The following IMMP2L variants were observed in gnomAD, a reference collection of about 807,000 sequenced individuals.
IMMP2L encodes the protein mitochondrial inner membrane protease subunit 2.
Under a neutral mutation model 19.3 loss-of-function variants are expected in IMMP2L, and 18 were observed. That is an observed-to-expected ratio of 0.93 (90% confidence interval 0.64 to 1.38). IMMP2L has a LOEUF of 1.38. Ranked by LOEUF, IMMP2L falls within the 40% of genes most tolerant of loss-of-function variation. The pLI is 0.00. For missense variants in IMMP2L, 233 were observed against 218.2 expected (o/e 1.07, Z -0.43); for synonymous variants, 76 against 73.0 (o/e 1.04, Z -0.21).
At chr7:111,085,309 T>C (rs2129576951) in intron 3 of IMMP2L, among the ~76,000 whole-genome samples, 1 of 152,332 alleles carries the variant, frequency 6.6e-6, no homozygotes, top group Admixed American at 6.5e-5. Context: ...TGCCTTTAGG[T>C]CTTTGTGGAA....
chr7:110,788,827 C>T (rs898751954), intron 5 of IMMP2L, among the ~76,000 whole-genome samples: 3 of 151,746 alleles, frequency 2.0e-5, no homozygotes, highest in South Asian at 2.1e-4. Context: ...ACATGTCTCC[C>T]ATCAAATGGT....
chr7:111,453,542 T>C (rs894657902), intron 3 of IMMP2L, among the ~76,000 whole-genome samples: 2 of 152,192 alleles, frequency 1.3e-5, no homozygotes, highest in African/African-American at 2.4e-5. Flanking sequence ...CATTGGAGCA[T>C]TGTTTGATAT....
rs542454814 is a variant in IMMP2L at position 111,203,207 on chromosome 7, G to A, written c.240-239642C>T. On this transcript the variant is annotated intron_variant, in intron 3 of 5. Transcript: ENST00000405709. ...GTCAGTCACCTTAATAGGCAAGACG[G>A]TTTTTTTTCTTTTACCATATTCATT... Among the ~76,000 whole-genome samples, 88 of 151,876 alleles carry A rather than the reference G, an allele frequency of 5.8e-4. 1 individual carries two copies. The highest frequency in any genetic ancestry group is 3.4e-3 in the Middle Eastern group (1 of 292).
At chr7:111,133,345 G>A (rs993569867) in intron 3 of IMMP2L, among the ~76,000 whole-genome samples, 4 of 152,010 alleles carry the variant, frequency 2.6e-5, no homozygotes, top group African/African-American at 7.2e-5. Context: ...TTACTGTAAC[G>A]TAGTCCAGAG....
chr7:111,417,376 T>C (rs2131571109), intron 3 of IMMP2L, among the ~76,000 whole-genome samples: 1 of 151,960 alleles, frequency 6.6e-6, no homozygotes, highest in Non-Finnish European at 1.5e-5. Context: ...ATATTCAGTT[T>C]GGGTGATACA....
At position 110,727,382 on chromosome 7, in the gene IMMP2L, C is replaced by T. The variant is rs1038198013; in HGVS notation, c.409-63661G>A. On this transcript the variant is annotated intron_variant, in intron 5 of 5. Coordinates refer to ENST00000405709, the MANE Select transcript of IMMP2L (RefSeq NM_032549.4). The surrounding 1 kb of genome is among the most constrained non-coding windows in gnomAD (Gnocchi z 4.3). ...CTCCAGCCTGGATGACAGAGTGAGA[C>T]TCTGTCTCTAAATAAATAAATAAAT... 2.1e-5 allele frequency among the ~76,000 whole-genome samples: 3 copies of T among 139,878 alleles called. No homozygotes were observed. The highest frequency in any genetic ancestry group is 8.3e-5 in the African/African-American group (3 of 36,352). 91.8% of individuals were successfully genotyped at this position (139,878 alleles called of 152,430 possible).
At chr7:110,669,759 A>T (rs576716431) in intron 5 of IMMP2L, among the ~76,000 whole-genome samples, 3 of 152,256 alleles carry the variant, frequency 2.0e-5, no homozygotes, top group Non-Finnish European at 4.4e-5. Flanking sequence ...AAATGCATGA[A>T]CTCTGGTTCT....
At chr7:110,703,117 T>C (rs187912216) in intron 5 of IMMP2L, among the ~76,000 whole-genome samples, 79 of 152,304 alleles carry the variant, frequency 5.2e-4, no homozygotes, top group Non-Finnish European at 6.9e-4. Flanking sequence ...TTCCCTTATA[T>C]GCCCAGTTTT....
At chr7:111,532,497 A>G (rs776209359) in intron 1 of IMMP2L, 7 of 152,164 alleles carry the variant, frequency 4.6e-5, no homozygotes, top group Non-Finnish European at 1.0e-4. Flanking sequence ...AGAATGCCAT[A>G]TCAACTCAAG....
chr7:111,192,758 A>T (rs1809032272), intron 3 of IMMP2L, among the ~76,000 whole-genome samples: 1 of 152,166 alleles, frequency 6.6e-6, no homozygotes, highest in African/African-American at 2.4e-5. Flanking sequence ...AGTGCAAAGT[A>T]CACAAAGAGA....
rs116779683 is a variant in IMMP2L at position 111,536,031 on chromosome 7, T to G, written c.-2-14582A>C. Reference sequence around the variant, plus strand: ...TGCTTAGAAAAAAGATGGAAGTACATCAAAAGGAGACGGGAGCTTGCCTGG... The same window carrying G: ...TGCTTAGAAAAAAGATGGAAGTACAGCAAAAGGAGACGGGAGCTTGCCTGG... On this transcript the variant is annotated intron_variant, in intron 1 of 5. Coordinates refer to ENST00000405709, the MANE Select transcript of IMMP2L (RefSeq NM_032549.4). Among the ~76,000 whole-genome samples, 443 of 152,076 alleles carry G rather than the reference T, an allele frequency of 2.9e-3. 3 individuals carry two copies. The highest frequency in any genetic ancestry group is 1.0e-2 in the African/African-American group (415 of 41,512).
chr7:110,856,584 A>T (rs1369015373), intron 5 of IMMP2L, among the ~76,000 whole-genome samples: 1 of 152,078 alleles, frequency 6.6e-6, no homozygotes. Flanking sequence ...TTATATAAGC[A>T]TCTTGAGCAG....
chr7:111,520,878 T>C (rs986232009), intron 2 of IMMP2L, among the ~76,000 whole-genome samples: 14 of 152,152 alleles, frequency 9.2e-5, no homozygotes, highest in Non-Finnish European at 1.9e-4. Flanking sequence ...ATACAATATC[T>C]GGGATCAATG....
At chr7:111,527,868 G>A (rs944052168) in intron 1 of IMMP2L, among the ~76,000 whole-genome samples, 2 of 151,374 alleles carry the variant, frequency 1.3e-5, no homozygotes, top group African/African-American at 4.8e-5. Flanking sequence ...GATATGTGCT[G>A]ATCCTGCTCC....
rs1171059968 is a variant in IMMP2L at position 110,827,050 on chromosome 7, A to G, written c.408+59543T>C. 3.9e-5 allele frequency among the ~76,000 whole-genome samples: 6 copies of G among 152,236 alleles called. No homozygotes were observed. The South Asian group carries it at 1.0e-3, about 26-fold the overall frequency. On this transcript the variant is annotated intron_variant, in intron 5 of 5. Coordinates refer to ENST00000405709, the MANE Select transcript of IMMP2L (RefSeq NM_032549.4). ...GTTGTCCCACCATTGCTTTTGTACC[A>G]TCAATGCCAGTATTGACAGAGTAAA...
chr7:110,730,565 G>A (rs1188171013), intron 5 of IMMP2L, among the ~76,000 whole-genome samples: 1 of 148,034 alleles, frequency 6.8e-6, no homozygotes, highest in Non-Finnish European at 1.5e-5. Context: ...GTCTCGCTCT[G>A]TTGCCCAGGC....
chr7:111,409,388 C>A lies in IMMP2L; in HGVS notation c.239+77850G>T, dbSNP rs145891423. 2.0e-5 allele frequency among the ~76,000 whole-genome samples: 3 copies of A among 151,748 alleles called. No homozygotes were observed. In the East Asian group the frequency reaches 5.8e-4, roughly 29 times the overall value. On this transcript the variant is annotated intron_variant, in intron 3 of 5. Coordinates refer to ENST00000405709, the MANE Select transcript of IMMP2L (RefSeq NM_032549.4). ...AAAGTCCCCATGGATAACATATAACCATGAGTAACTCTCATAATTCAACAT... is the reference window on the plus strand; with the variant it reads ...AAAGTCCCCATGGATAACATATAACAATGAGTAACTCTCATAATTCAACAT...
intron 3 of IMMP2L, among the ~76,000 whole-genome samples, chr7:111,210,159 T>C (rs2129618181): frequency 6.6e-6 from 1 of 152,328 alleles, no homozygotes; most frequent in South Asian, 2.1e-4. Flanking sequence ...CTTGACTCTC[T>C]GCTTCACCTT....
At chr7:110,902,579 G>A (rs928793276) in intron 4 of IMMP2L, among the ~76,000 whole-genome samples, 5 of 151,160 alleles carry the variant, frequency 3.3e-5, no homozygotes, top group African/African-American at 7.3e-5. Flanking sequence ...ACCACCAAAC[G>A]TAGGTTGTAG....
Sources: allele counts gnomAD v4.1 joint callset (sites outside exome capture counted in the v4.1 genomes callset), GRCh38; gene constraint gnomAD v4.1.1; non-coding constraint Gnocchi (gnomAD v3.1); transcripts MANE v1.5; gene names NCBI Gene and HGNC (gene_info 2026-07-23, HGNC 2026-07-21).